The following OPCML variants were observed in gnomAD, a reference collection of about 807,000 sequenced individuals.
OPCML encodes the protein opioid-binding protein/cell adhesion molecule.
A neutral mutation model predicts 37.8 loss-of-function variants in OPCML; 13 were observed. The ratio of observed to expected loss-of-function variants is 0.34; its 90% CI spans 0.22 to 0.55. The LOEUF (loss-of-function observed/expected upper bound fraction) is 0.55. OPCML is among the 20% of genes least tolerant of loss of function. The pLI is 0.91. For synonymous variants in OPCML, 176 were observed against 168.8 expected, an observed-to-expected ratio of 1.04 and a Z score of -0.33; for missense variants, 341 against 435.6, an observed-to-expected ratio of 0.78 and a Z score of 1.93.
intron 1 of OPCML, among the ~76,000 whole-genome samples, chr11:133,319,482 C>T (rs1024169406): frequency 2.6e-5 from 4 of 152,134 alleles, no homozygotes; most frequent in African/African-American, 9.7e-5. Flanking sequence ...ATTTGTTGCG[C>T]TTAGTGGCAA....
chr11:132,526,045 T>C (rs1357856976), intron 4 of OPCML, among the ~76,000 whole-genome samples: 1 of 152,156 alleles, frequency 6.6e-6, no homozygotes, highest in African/African-American at 2.4e-5. Context: ...ATCATTTAAA[T>C]TTAGGATTTT....
chr11:133,106,998 C>T (rs757874652), intron 1 of OPCML, among the ~76,000 whole-genome samples: 44 of 152,156 alleles, frequency 2.9e-4, no homozygotes, highest in Admixed American at 8.5e-4. Context: ...GTAGGTAATA[C>T]GTTCCGGTCT....
intron 1 of OPCML, among the ~76,000 whole-genome samples, chr11:132,981,404 T>A (rs1057178677): frequency 6.6e-6 from 1 of 151,912 alleles, no homozygotes; most frequent in Non-Finnish European, 1.5e-5. Flanking sequence ...TTGGGATTTG[T>A]CGATGGAGGG....
At chr11:132,934,742 C>T (rs1224081311) in intron 2 of OPCML, among the ~76,000 whole-genome samples, 2 of 152,158 alleles carry the variant, frequency 1.3e-5, no homozygotes, top group Non-Finnish European at 2.9e-5. Flanking sequence ...ATGAGTAATT[C>T]CATTATTGTC....
At chr11:132,466,486 A>G (rs1467414510) in intron 4 of OPCML, among the ~76,000 whole-genome samples, 4 of 97,806 alleles carry the variant, frequency 4.1e-5, no homozygotes, top group Admixed American at 3.8e-4. Flanking sequence ...TCCGTCTCGG[A>G]AAAAAAAAAA....
chr11:132,607,809 C>G (rs1464608971), intron 3 of OPCML, among the ~76,000 whole-genome samples: 1 of 152,102 alleles, frequency 6.6e-6, no homozygotes, highest in Non-Finnish European at 1.5e-5. Flanking sequence ...ATATATGGGT[C>G]TCATGAAGAC....
At chr11:133,132,037 G>T (rs1204228161) in intron 1 of OPCML, among the ~76,000 whole-genome samples, 1 of 152,146 alleles carries the variant, frequency 6.6e-6, no homozygotes, top group Admixed American at 6.5e-5. Flanking sequence ...ACAACAAAGT[G>T]ACAGTTGGAC....
intron 2 of OPCML, among the ~76,000 whole-genome samples, chr11:132,688,167 G>GT (rs1943244037): frequency 2.0e-5 from 3 of 149,952 alleles, no homozygotes; most frequent in African/African-American, 7.5e-5. Flanking sequence ...TAGGAATCAT[G>GT]GTTTTTTTTT....
intron 3 of OPCML, among the ~76,000 whole-genome samples, chr11:132,544,591 T>C (rs1252742879): frequency 6.6e-6 from 1 of 152,184 alleles, no homozygotes; most frequent in Admixed American, 6.5e-5. Flanking sequence ...GGCTCCAGTG[T>C]CACCAGCCCA....
rs542226339 is a variant in OPCML, at chr11:132,930,963, A to T, written c.146+11963T>A. On this transcript the variant is annotated intron_variant, in intron 2 of 7. Transcript: ENST00000524381. ...AATTGTGTGGTCCTGGCATAACAACAGACATACAGACCAATGGAATGAAAT... is the reference window on the plus strand; with the variant it reads ...AATTGTGTGGTCCTGGCATAACAACTGACATACAGACCAATGGAATGAAAT... Among the ~76,000 whole-genome samples the T allele has an allele frequency of 2.0e-5, 3 of 152,338 alleles. No homozygotes were observed. The East Asian group carries it at 5.8e-4, about 29-fold the overall frequency.
intron 2 of OPCML, among the ~76,000 whole-genome samples, chr11:132,879,647 C>G (rs1943152230): frequency 6.6e-6 from 1 of 152,164 alleles, no homozygotes; most frequent in Non-Finnish European, 1.5e-5. Flanking sequence ...TTCCGCTGCA[C>G]AGCTATTAAA....
At chr11:133,007,097 G>C (rs544148132) in intron 1 of OPCML, 16 of 985,274 alleles carry the variant, frequency 1.6e-5, no homozygotes, top group Non-Finnish European at 1.8e-5. Flanking sequence ...AGTTTAAGAG[G>C]AGACATCCCC....
In OPCML at chr11:133,173,677, A is replaced by G. The variant is rs1565485694; in HGVS notation, c.62-230667T>C. 6.6e-6 allele frequency among the ~76,000 whole-genome samples: 1 copy of G among 152,200 alleles called. No individual in the cohort carries two copies. On this transcript the variant is annotated intron_variant, in intron 1 of 7. Coordinates refer to ENST00000524381, the MANE Select transcript of OPCML (RefSeq NM_001012393.5). This position sits in a 1 kb window ranked among gnomAD's most constrained non-coding sequence, Gnocchi z 7.8. ...CGTAAGGGTAGACACCTCCCTGCAG[A>G]TAATAACGAGAACCATCAGCACCGA...
chr11:133,127,242 C>T (rs753312122), intron 1 of OPCML, among the ~76,000 whole-genome samples: 4 of 152,136 alleles, frequency 2.6e-5, no homozygotes, highest in Non-Finnish European at 4.4e-5. Context: ...CAAGAGCCAA[C>T]CATTTTGGGT....
intron 2 of OPCML, among the ~76,000 whole-genome samples, chr11:132,844,017 T>G (rs988584084): frequency 2.0e-5 from 3 of 152,200 alleles, no homozygotes; most frequent in African/African-American, 7.2e-5. Flanking sequence ...CTTGTGCTGT[T>G]CTCATGATAG....
chr11:132,776,164 G>C (rs1031702096), intron 2 of OPCML, among the ~76,000 whole-genome samples: 23 of 152,232 alleles, frequency 1.5e-4, no homozygotes, highest in Admixed American at 1.4e-3. Flanking sequence ...CCTGTCCTCA[G>C]GTGATCCGCC....
intron 4 of OPCML, among the ~76,000 whole-genome samples, chr11:132,467,451 C>T (rs2096123396): frequency 6.6e-6 from 1 of 152,236 alleles, no homozygotes; most frequent in African/African-American, 2.4e-5. Flanking sequence ...AGACTGCTCA[C>T]AGCACAAATT....
intron 1 of OPCML, among the ~76,000 whole-genome samples, chr11:132,993,162 T>C (rs190603899): frequency 2.2e-4 from 33 of 152,326 alleles, no homozygotes; most frequent in African/African-American, 7.9e-4. Context: ...TCATCCTTAG[T>C]GCAGCTCCAG....
intron 1 of OPCML, among the ~76,000 whole-genome samples, chr11:133,217,790 C>T (rs1939646700): frequency 6.6e-6 from 1 of 152,310 alleles, no homozygotes; most frequent in East Asian, 1.9e-4. Flanking sequence ...CAGTGGCTAG[C>T]ACCTGTAATC....
Sources: allele counts gnomAD v4.1 joint callset (sites outside exome capture counted in the v4.1 genomes callset), GRCh38; gene constraint gnomAD v4.1.1; non-coding constraint Gnocchi (gnomAD v3.1); transcripts MANE v1.5; gene names NCBI Gene and HGNC (gene_info 2026-07-23, HGNC 2026-07-21).